NSUN6: variants seen among roughly 807,000 people sequenced by gnomAD.
The protein encoded by NSUN6 is tRNA (cytosine(72)-C(5))-methyltransferase NSUN6.
In NSUN6, 64 loss-of-function variants were observed where a neutral mutation model predicts 58.0. The ratio of observed to expected loss-of-function variants is 1.10; its 90% CI spans 0.90 to 1.36. NSUN6 has a LOEUF of 1.36. Among genes scored for constraint, NSUN6 ranks in the 40% most tolerant of loss-of-function variants. The pLI is 0.00. For synonymous variants in NSUN6, 231 were observed against 193.9 expected, an observed-to-expected ratio of 1.19 and a Z score of -1.59; for missense variants, 701 against 550.1, an observed-to-expected ratio of 1.27 and a Z score of -2.74.
At chr10:18,569,237 C>T (rs981309865) in intron 8 of NSUN6, among the ~76,000 whole-genome samples, 16 of 149,078 alleles carry the variant, frequency 1.1e-4, no homozygotes, top group Admixed American at 2.7e-4. Flanking sequence ...TTCCACTCTC[C>T]GTTCCATTCC....
intron 10 of NSUN6, among the ~76,000 whole-genome samples, chr10:18,547,550 T>C (rs1290780998): frequency 2.0e-5 from 3 of 152,204 alleles, no homozygotes; most frequent in Admixed American, 1.3e-4. Flanking sequence ...TATCCTGGAC[T>C]AAAAATTGAA....
chr10:18,580,038 T>C (rs1823957146), intron 8 of NSUN6, among the ~76,000 whole-genome samples: 1 of 152,168 alleles, frequency 6.6e-6, no homozygotes, highest in Non-Finnish European at 1.5e-5. Context: ...TCTGAAACTG[T>C]ATTACTTTGA....
At chr10:18,546,646 G>T (rs1472101626) in intron 10 of NSUN6, among the ~76,000 whole-genome samples, 1 of 152,174 alleles carries the variant, frequency 6.6e-6, no homozygotes, top group African/African-American at 2.4e-5. Context: ...GGGAGGCCGA[G>T]GCGGGCTGAT....
intron 8 of NSUN6, among the ~76,000 whole-genome samples, chr10:18,560,050 TG>T (rs1195348026): frequency 1.1e-5 from 1 of 89,546 alleles, no homozygotes; most frequent in African/African-American, 4.7e-5. Context: ...GAATGGAGAA[TG>T]GAATGAAATG....
At chr10:18,631,353 A>G (rs1438962530) in intron 3 of NSUN6, among the ~76,000 whole-genome samples, 1 of 145,410 alleles carries the variant, frequency 6.9e-6, no homozygotes, top group East Asian at 2.1e-4. Context: ...CAAGACAGGG[A>G]TGCCCTCTCT....
At chr10:18,575,462 T>C (rs1003587061) in intron 8 of NSUN6, among the ~76,000 whole-genome samples, 9 of 152,194 alleles carry the variant, frequency 5.9e-5, no homozygotes, top group Middle Eastern at 3.2e-3. Flanking sequence ...AAGGCCCTAA[T>C]TGAAAATATA....
At chr10:18,625,804 A>C (rs540012213) in intron 3 of NSUN6, among the ~76,000 whole-genome samples, 2 of 151,768 alleles carry the variant, frequency 1.3e-5, no homozygotes, top group South Asian at 4.2e-4. Flanking sequence ...CTAAATGTCT[A>C]AAGTTGAATA....
In NSUN6 at chr10:18,651,539, G is replaced by A. The variant is rs2059706068; in HGVS notation, c.-336C>T. The A allele has an allele frequency of 9.8e-7, 1 of 1,016,080 alleles. No homozygotes were observed. Among genetic ancestry groups the A allele is most frequent in the Non-Finnish European group, 1.2e-6 (1 of 850,276 alleles). 62.9% of individuals were successfully genotyped at this position (1,016,080 alleles called of 1,614,324 possible). On this transcript the variant is annotated 5_prime_UTR_variant, in exon 1 of 11. Transcript: ENST00000377304. The stretch of plus-strand genomic sequence containing the variant: ...CTGAATCCGTGGTGAAACGGACGCA[G>A]ATCAGTAAGCCAGGCTGACAGCAGC...
chr10:18,636,703 C>T (rs1380479214), intron 3 of NSUN6, among the ~76,000 whole-genome samples: 1 of 151,722 alleles, frequency 6.6e-6, no homozygotes, highest in Non-Finnish European at 1.5e-5. Context: ...ACCAGCCTGG[C>T]CAATATGGTG....
At chr10:18,579,585 G>C (rs180834344) in intron 8 of NSUN6, among the ~76,000 whole-genome samples, 165 of 152,290 alleles carry the variant, frequency 1.1e-3, no homozygotes, top group African/African-American at 3.8e-3. Flanking sequence ...GGTTAAGAAT[G>C]CGTCCATGAC....
At chr10:18,607,146 G>A (rs1434928191) in intron 6 of NSUN6, among the ~76,000 whole-genome samples, 1 of 152,162 alleles carries the variant, frequency 6.6e-6, no homozygotes, top group Non-Finnish European at 1.5e-5. Flanking sequence ...CTCACATGAT[G>A]TACTTTCAGG....
chr10:18,602,775 G>GT (rs1320833474), intron 6 of NSUN6, among the ~76,000 whole-genome samples: 1 of 152,154 alleles, frequency 6.6e-6, no homozygotes, highest in Non-Finnish European at 1.5e-5. Flanking sequence ...TCTTTTCAGA[G>GT]TCTGAGTGGG....
chr10:18,573,305 TTCCATTCCATTC>T (rs1279073448), intron 8 of NSUN6, among the ~76,000 whole-genome samples: 1 of 151,816 alleles, frequency 6.6e-6, no homozygotes, highest in East Asian at 1.9e-4. Flanking sequence ...CCATTCTCCA[TTCCATTCCATTC>T]TCCATTCCAT....
At chr10:18,593,970 C>A (rs1415727332) in intron 7 of NSUN6, among the ~76,000 whole-genome samples, 2 of 151,690 alleles carry the variant, frequency 1.3e-5, no homozygotes, top group East Asian at 1.9e-4. Context: ...GAGGCCGGGG[C>A]AGGCAGATCA....
intron 8 of NSUN6, among the ~76,000 whole-genome samples, chr10:18,559,865 T>A (rs188244333): frequency 1.4e-5 from 2 of 147,356 alleles, no homozygotes; most frequent in African/African-American, 5.0e-5. Flanking sequence ...CAGTGGGGAT[T>A]TGAATGCGGA....
chr10:18,590,840 A>G (rs917747442), intron 7 of NSUN6, among the ~76,000 whole-genome samples: 3 of 152,190 alleles, frequency 2.0e-5, no homozygotes, highest in Non-Finnish European at 4.4e-5. Flanking sequence ...CATCACAATT[A>G]AAAGAACTAG....
chr10:18,568,623 C>CCCCAT (rs1554854802), intron 8 of NSUN6, among the ~76,000 whole-genome samples: 1 of 150,760 alleles, frequency 6.6e-6, no homozygotes. Flanking sequence ...GCATTCCATT[C>CCCCAT]TCCATTCCAT....
intron 7 of NSUN6, among the ~76,000 whole-genome samples, chr10:18,589,161 A>C (rs2057285393): frequency 6.6e-6 from 1 of 152,224 alleles, no homozygotes; most frequent in African/African-American, 2.4e-5. Flanking sequence ...AGCAGAAGAA[A>C]GGATATCAGA....
At chr10:18,618,049 A>G (rs959846680) in intron 3 of NSUN6, among the ~76,000 whole-genome samples, 1 of 152,332 alleles carries the variant, frequency 6.6e-6, no homozygotes, top group East Asian at 1.9e-4. Context: ...ACTCAGCGTC[A>G]TCTTAAAGTC....
Sources: allele counts gnomAD v4.1 joint callset (sites outside exome capture counted in the v4.1 genomes callset), GRCh38; gene constraint gnomAD v4.1.1; transcripts MANE v1.5; gene names NCBI Gene and HGNC (gene_info 2026-07-23, HGNC 2026-07-21).